THRB: variants seen among roughly 807,000 people sequenced by gnomAD.
THRB encodes nuclear receptor subfamily 1 group A member 2.
THRB carries 12 observed loss-of-function variants against 47.8 expected under a neutral mutation model. That is an observed-to-expected ratio of 0.25 (90% CI 0.16 to 0.41). The LOEUF (loss-of-function observed/expected upper bound fraction) is 0.41, where lower values mean the gene tolerates loss of function less well. Ranked by LOEUF, THRB falls within the 10% of genes least tolerant of loss-of-function variation. The pLI is 1.00. For missense variants in THRB, 348 were observed against 589.2 expected, an observed-to-expected ratio of 0.59 and a Z score of 4.24; for synonymous variants, 218 against 212.2, an observed-to-expected ratio of 1.03 and a Z score of -0.24.
At chr3:24,464,183 C>T (rs1577762116) in intron 1 of THRB, among the ~76,000 whole-genome samples, 1 of 150,840 alleles carries the variant, frequency 6.6e-6, no homozygotes, top group African/African-American at 2.4e-5. Flanking sequence ...GAGGCGGAGC[C>T]TGCAGTGAGC....
chr3:24,255,816 T>TGG (rs2051213474), intron 3 of THRB, among the ~76,000 whole-genome samples: 1 of 152,170 alleles, frequency 6.6e-6, no homozygotes, highest in Non-Finnish European at 1.5e-5. Flanking sequence ...TTTATATTTA[T>TGG]CCTAAGTCAG....
intron 1 of THRB, among the ~76,000 whole-genome samples, chr3:24,368,359 C>T (rs1314537963): frequency 6.6e-6 from 1 of 152,084 alleles, no homozygotes; most frequent in African/African-American, 2.4e-5. Flanking sequence ...CAAGAGTGTG[C>T]ACAAATGAAC....
At chr3:24,458,036 A>G (rs550560484) in intron 1 of THRB, 1 of 152,298 alleles carries the variant, frequency 6.6e-6, no homozygotes, top group South Asian at 2.1e-4. Context: ...GCCTAAAATT[A>G]TGCATTTCTG....
chr3:24,170,890 G>T (rs9830423), intron 5 of THRB, among the ~76,000 whole-genome samples: 26,495 of 151,992 alleles, frequency 0.17, 2,499 homozygotes, highest in African/African-American at 0.22. Context: ...GTTACATATT[G>T]CAATAAGTGG....
chr3:24,362,265 A>T (rs1241941786), intron 1 of THRB, among the ~76,000 whole-genome samples: 1 of 151,474 alleles, frequency 6.6e-6, no homozygotes, highest in Non-Finnish European at 1.5e-5. Flanking sequence ...CCCCTTCCCT[A>T]CTCATTATCT....
intron 2 of THRB, among the ~76,000 whole-genome samples, chr3:24,308,686 GTTC>G (rs1178570239): frequency 6.6e-6 from 1 of 152,110 alleles, no homozygotes; most frequent in Admixed American, 6.5e-5. Flanking sequence ...TCAAATTTGT[GTTC>G]TTCTTTAAAT....
chr3:24,215,622 T>C (rs953172749), intron 4 of THRB, among the ~76,000 whole-genome samples: 1 of 152,180 alleles, frequency 6.6e-6, no homozygotes, highest in African/African-American at 2.4e-5. Context: ...TTATTAGGCA[T>C]TTGTATAGCC....
chr3:24,358,640 CTG>C (rs1249470796), intron 1 of THRB, among the ~76,000 whole-genome samples: 1 of 152,064 alleles, frequency 6.6e-6, no homozygotes, highest in Non-Finnish European at 1.5e-5. Context: ...CTGCCTACTT[CTG>C]TGTTGGTATG....
At chr3:24,167,033 A>T (rs2039731138) in intron 5 of THRB, among the ~76,000 whole-genome samples, 1 of 152,178 alleles carries the variant, frequency 6.6e-6, no homozygotes, top group East Asian at 1.9e-4. Context: ...AAGTAGCTTA[A>T]TAGCATGTAT....
At chr3:24,460,089 A>G (rs1003578804) in intron 1 of THRB, among the ~76,000 whole-genome samples, 4 of 152,118 alleles carry the variant, frequency 2.6e-5, no homozygotes, top group African/African-American at 9.7e-5. Flanking sequence ...CTAAAAGATT[A>G]TTATTCTATG....
chr3:24,437,416 T>C (rs1358058551), intron 1 of THRB, among the ~76,000 whole-genome samples: 1 of 151,988 alleles, frequency 6.6e-6, no homozygotes, highest in Admixed American at 6.6e-5. Flanking sequence ...AGTTGGTTAA[T>C]GGGTACAAAA....
chr3:24,235,542 A>C (rs1170170588), intron 3 of THRB, among the ~76,000 whole-genome samples: 2 of 152,144 alleles, frequency 1.3e-5, no homozygotes, highest in Non-Finnish European at 2.9e-5. Flanking sequence ...GATAAGATTT[A>C]ACAGGGCTCA....
At chr3:24,465,929 C>T (rs1043613142) in intron 1 of THRB, among the ~76,000 whole-genome samples, 3 of 152,124 alleles carry the variant, frequency 2.0e-5, no homozygotes, top group Admixed American at 1.3e-4. Flanking sequence ...ACTACTCTCC[C>T]ATCTCCCCCT....
intron 1 of THRB, among the ~76,000 whole-genome samples, chr3:24,484,295 T>C (rs529198672): frequency 6.6e-6 from 1 of 152,330 alleles, no homozygotes; most frequent in Non-Finnish European, 1.5e-5. Context: ...TACTTTTTCA[T>C]GGAATTTGAT....
At chr3:24,356,210 C>G (rs964258309) in intron 1 of THRB, among the ~76,000 whole-genome samples, 2 of 152,094 alleles carry the variant, frequency 1.3e-5, no homozygotes, top group African/African-American at 4.8e-5. Context: ...GAATAATCCT[C>G]TTTGGTTTGA....
At chr3:24,161,353 C>T (rs1455825809) in intron 5 of THRB, among the ~76,000 whole-genome samples, 2 of 152,070 alleles carry the variant, frequency 1.3e-5, no homozygotes, top group Non-Finnish European at 2.9e-5. Flanking sequence ...TTATTTAGTA[C>T]TCAACAGTTC....
intron 1 of THRB, among the ~76,000 whole-genome samples, chr3:24,364,522 C>G (rs1173246229): frequency 6.6e-6 from 1 of 152,154 alleles, no homozygotes; most frequent in Non-Finnish European, 1.5e-5. Context: ...CCCCATTTTA[C>G]AGATGAGAAA....
intron 2 of THRB, among the ~76,000 whole-genome samples, chr3:24,322,564 C>G (rs544982625): frequency 1.3e-5 from 2 of 152,200 alleles, no homozygotes; most frequent in African/African-American, 4.8e-5. Flanking sequence ...TGGACAGAAG[C>G]TTTCATCTCT....
chr3:24,155,929 A>G (rs2037760753), intron 5 of THRB, among the ~76,000 whole-genome samples: 1 of 152,246 alleles, frequency 6.6e-6, no homozygotes, highest in African/African-American at 2.4e-5. Context: ...GTCCATGACA[A>G]TATATGATAG....
Sources: allele counts gnomAD v4.1 joint callset (sites outside exome capture counted in the v4.1 genomes callset), GRCh38; gene constraint gnomAD v4.1.1; transcripts MANE v1.5; gene names NCBI Gene and HGNC (gene_info 2026-07-23, HGNC 2026-07-21).